The following PRKD3 variants were observed in gnomAD, a reference collection of about 807,000 sequenced individuals.
The protein encoded by PRKD3 is protein kinase D3, also known as serine/threonine-protein kinase D3.
In PRKD3, 47 loss-of-function variants were observed where a neutral mutation model predicts 99.2. The ratio of observed to expected loss-of-function variants is 0.47; its 90% CI spans 0.38 to 0.60. The LOEUF (loss-of-function observed/expected upper bound fraction) is 0.60. Ranked by LOEUF, PRKD3 falls within the 20% of genes least tolerant of loss-of-function variation. The probability of loss-of-function intolerance (pLI) is 0.00; values close to 1 mark genes in which losing one functional copy is unlikely to be tolerated. For synonymous variants in PRKD3, 392 were observed against 355.4 expected, an observed-to-expected ratio of 1.10 and a Z score of -1.16; for missense variants, 1,019 against 1,088.4, an observed-to-expected ratio of 0.94 and a Z score of 0.90.
chr2:37,286,124 TATA>T (rs960164028), intron 6 of PRKD3, 50 bp downstream of exon 6: 22 of 1,397,784 alleles, frequency 1.6e-5, no homozygotes, highest in Admixed American at 2.1e-5. Flanking sequence ...TAAGCCTATA[TATA>T]ATAACAAAAA....
In PRKD3 at chr2:37,253,300, T is replaced by G. The variant is rs1291458533; in HGVS notation, c.2550A>C (p.Glu850Asp). The change falls in exon 19 of 19, where the codon GAA becomes GAC. Residue 850 changes from glutamate to aspartate, a missense_variant. Glu to Asp is a conservative substitution (Grantham distance 45). This residue lies in a region of PRKD3 where 125 missense variants were observed against 120.6 expected (regional missense o/e 1.04). Transcript: ENST00000234179. ...CATCACTTTCATGTGTAATGTAACG[T>G]TCTCCAATGCGAGTTTCAAATTCTC... is the stretch of plus-strand genomic sequence containing the variant. ...DLREFETRIG[E>D]RYITHESDDA... The G allele has an allele frequency of 7.4e-6, 12 of 1,613,084 alleles. No individual in the cohort carries two copies. Among genetic ancestry groups the G allele is most frequent in the Non-Finnish European group, 1.0e-5 (12 of 1,179,366 alleles).
intron 5 of PRKD3, among the ~76,000 whole-genome samples, chr2:37,289,080 T>TTA (rs543044923): frequency 1.0e-3 from 147 of 144,058 alleles, no homozygotes; most frequent in African/African-American, 3.6e-3. Context: ...AAAAAAAAAT[T>TTA]AAAAAAAAAA....
At chr2:37,260,583 C>A (rs1339155302) in intron 14 of PRKD3, among the ~76,000 whole-genome samples, 199 bp from the exon 15 acceptor site, 2 of 152,158 alleles carry the variant, frequency 1.3e-5, no homozygotes, top group Admixed American at 6.6e-5. Flanking sequence ...AGTAGCCGCA[C>A]TGAGGGGATA....
At chr2:37,272,493 T>A (rs1669334582) in intron 11 of PRKD3, 61 bp from the exon 12 acceptor site, 3 of 1,539,720 alleles carry the variant, frequency 1.9e-6, no homozygotes, top group Non-Finnish European at 2.6e-6. Context: ...TTTACTGACA[T>A]GTGAATGCTC....
At chr2:37,268,433 C>A (rs183748682) in intron 13 of PRKD3, 2 of 455,668 alleles carry the variant, frequency 4.4e-6, no homozygotes, top group Admixed American at 4.9e-5. Flanking sequence ...TTCTAGGCGA[C>A]TGCTTTATGT....
chr2:37,300,996 T>G (rs1427414281), intron 2 of PRKD3, among the ~76,000 whole-genome samples: 1 of 137,512 alleles, frequency 7.3e-6, no homozygotes, highest in Non-Finnish European at 1.5e-5. Flanking sequence ...AAAAATGGTA[T>G]TTTTGTAGTT....
chr2:37,275,627 C>A (rs968711056), intron 10 of PRKD3, 140 bp downstream of exon 10: 1 of 902,438 alleles, frequency 1.1e-6, no homozygotes, highest in African/African-American at 1.7e-5. Flanking sequence ...ATAGTTGCTT[C>A]AACAAGGAAC....
At chr2:37,260,143 G>A in intron 15 of PRKD3, 80 bp downstream of exon 15, 1 of 1,304,462 alleles carries the variant, frequency 7.7e-7, no homozygotes, top group Non-Finnish European at 1.1e-6. Context: ...CAGCCCAGGT[G>A]ACAGAGTAAG....
rs563671033 is a variant in PRKD3 at position 37,295,778 on chromosome 2, G to C, written c.289-2507C>G. Reference sequence around the variant, plus strand: ...ATATCACTAATGTATACCTAAAAGGGAGACGAGACATAAGGTTTCAGAGCA... The same window carrying C: ...ATATCACTAATGTATACCTAAAAGGCAGACGAGACATAAGGTTTCAGAGCA... On this transcript the variant is annotated intron_variant, in intron 2 of 18. Coordinates refer to ENST00000234179, the MANE Select transcript of PRKD3 (RefSeq NM_005813.6). 9.2e-5 allele frequency among the ~76,000 whole-genome samples: 14 copies of C among 152,238 alleles called. No homozygotes were observed. In the South Asian group the frequency reaches 2.9e-3, roughly 32 times the overall value.
At chr2:37,315,051 G>A (rs1486568228) in intron 2 of PRKD3, among the ~76,000 whole-genome samples, 3 of 152,108 alleles carry the variant, frequency 2.0e-5, no homozygotes, top group Admixed American at 1.3e-4. Flanking sequence ...TATATAAAGC[G>A]TAAAGAATTG....
At chr2:37,322,269 T>A (rs1671917996) in intron 1 of PRKD3, among the ~76,000 whole-genome samples, 1 of 152,266 alleles carries the variant, frequency 6.6e-6, no homozygotes, top group South Asian at 2.1e-4. Context: ...AACTCAAGTG[T>A]CTACGTCGTT....
chr2:37,280,745 A>G (rs753035658), intron 7 of PRKD3, among the ~76,000 whole-genome samples: 1 of 152,158 alleles, frequency 6.6e-6, no homozygotes, highest in African/African-American at 2.4e-5. Flanking sequence ...TGACAACATA[A>G]ATAAATAAAT....
chr2:37,275,716 A>C, intron 10 of PRKD3, 51 bp downstream of exon 10: 1 of 1,522,930 alleles, frequency 6.6e-7, no homozygotes, highest in Non-Finnish European at 8.8e-7. Context: ...TTATCTGAAA[A>C]AAACATACAC....
chr2:37,273,538 A>AT (rs1669414480), intron 11 of PRKD3, among the ~76,000 whole-genome samples: 1 of 152,096 alleles, frequency 6.6e-6, no homozygotes, highest in South Asian at 2.1e-4. Context: ...TAAGTAATGT[A>AT]TTCCTCACTT....
At chr2:37,259,724 C>A (rs377663452) in intron 15 of PRKD3, 43 bp from the exon 16 acceptor site, 25 of 1,368,206 alleles carry the variant, frequency 1.8e-5, no homozygotes, top group Non-Finnish European at 2.5e-5. Context: ...TGGAAAATCA[C>A]AAGTAAACCT....
chr2:37,301,529 G>C lies in PRKD3; in HGVS notation c.289-8258C>G, dbSNP rs989021499. ...GCTCACTGCAACCTCAAACTCCTGG[G>C]CTCAAGCAATCCTTTAGCCTCAGCC... On this transcript the variant is annotated intron_variant, in intron 2 of 18. Coordinates refer to ENST00000234179, the MANE Select transcript of PRKD3 (RefSeq NM_005813.6). Among the ~76,000 whole-genome samples, 11 of 152,010 alleles carry C rather than the reference G, an allele frequency of 7.2e-5. No individual in the cohort carries two copies. In the Middle Eastern group the frequency reaches 0.01, roughly 141 times the overall value.
At chr2:37,301,994 C>T (rs1238636799) in intron 2 of PRKD3, among the ~76,000 whole-genome samples, 1 of 152,100 alleles carries the variant, frequency 6.6e-6, no homozygotes, top group African/African-American at 2.4e-5. Context: ...AGAATTATCC[C>T]ACCCAAAATG....
At chr2:37,272,307 A>T (rs1394022148) in intron 12 of PRKD3, 73 bp downstream of exon 12, 1 of 1,566,170 alleles carries the variant, frequency 6.4e-7, no homozygotes, top group African/African-American at 1.4e-5. Context: ...CAATTTCTCT[A>T]ATAAAGATTT....
chr2:37,291,642 AAT>A (rs1670429401), intron 3 of PRKD3, among the ~76,000 whole-genome samples: 2 of 152,182 alleles, frequency 1.3e-5, no homozygotes, highest in Admixed American at 1.3e-4. Flanking sequence ...AGGATTGGGA[AAT>A]ATAGAGATGG....
Sources: allele counts gnomAD v4.1 joint callset (sites outside exome capture counted in the v4.1 genomes callset), GRCh38; gene constraint gnomAD v4.1.1; regional missense constraint gnomAD v4.1.1; transcripts MANE v1.5; gene names NCBI Gene and HGNC (gene_info 2026-07-23, HGNC 2026-07-21).